The following FRS2 variants were observed in gnomAD, a reference collection of about 807,000 sequenced individuals.
FRS2 encodes the protein FGFR signalling adaptor.
FRS2 carries 8 observed loss-of-function variants against 43.9 expected under a neutral mutation model. The ratio of observed to expected loss-of-function variants is 0.18; its 90% CI spans 0.11 to 0.33. The LOEUF (loss-of-function observed/expected upper bound fraction) is 0.33. Ranked by LOEUF, FRS2 falls within the 10% of genes least tolerant of loss-of-function variation. FRS2 has a pLI of 1.00. For missense variants in FRS2, 534 were observed against 627.6 expected (o/e 0.85, Z 1.59); for synonymous variants, 219 against 220.3 (o/e 0.99, Z 0.05).
At chr12:69,563,750 G>A (rs1880055184) in intron 4 of FRS2, among the ~76,000 whole-genome samples, 2 of 152,032 alleles carry the variant, frequency 1.3e-5, no homozygotes, top group Admixed American at 6.6e-5. Flanking sequence ...CAAGCCTTGC[G>A]TTCTCTTTTA....
chr12:69,536,596 T>G (rs1472303737), intron 3 of FRS2, among the ~76,000 whole-genome samples: 3 of 151,874 alleles, frequency 2.0e-5, no homozygotes, highest in Non-Finnish European at 4.4e-5. Context: ...TTTTTCTTTT[T>G]TGAGACAAGA....
In FRS2 at chr12:69,538,194, A is replaced by ATT. The variant is rs921058241; in HGVS notation, c.-122+6141_-122+6142dup. Among the ~76,000 whole-genome samples, 216 of 44,602 alleles carry ATT rather than the reference A, an allele frequency of 4.8e-3. 1 individual carries two copies. The highest frequency in any genetic ancestry group is 0.015 in the South Asian group (10 of 664). The allele number at this position is 44,602 out of a possible 152,430, so 29.3% of individuals were successfully genotyped here. On this transcript the variant is annotated intron_variant, in intron 3 of 8. Transcript: ENST00000549921. ...TTTAATAATAAAATTAAAAAAACAA[A>ATT]TTTTATATATATATATATATATATA... is the stretch of plus-strand genomic sequence containing the variant.
At chr12:69,528,867 T>A (rs890535286) in intron 1 of FRS2, among the ~76,000 whole-genome samples, 1 of 152,172 alleles carries the variant, frequency 6.6e-6, no homozygotes, top group Non-Finnish European at 1.5e-5. Context: ...GAGAGAGATA[T>A]CTCTTGTTAC....
chr12:69,544,308 T>C (rs1339924542), intron 3 of FRS2, among the ~76,000 whole-genome samples: 1 of 152,022 alleles, frequency 6.6e-6, no homozygotes, highest in Non-Finnish European at 1.5e-5. Context: ...ATATACACAT[T>C]AAAAGAATGA....
intron 1 of FRS2, among the ~76,000 whole-genome samples, chr12:69,489,836 T>C (rs1437093060): frequency 6.6e-6 from 1 of 151,274 alleles, no homozygotes; most frequent in Non-Finnish European, 1.5e-5. Flanking sequence ...TTGGCTTTTC[T>C]GGGGGTCATT....
intron 1 of FRS2, chr12:69,486,296 T>G (rs1871941843): frequency 6.6e-6 from 1 of 151,918 alleles, no homozygotes; most frequent in Non-Finnish European, 1.5e-5. Flanking sequence ...GGTCACATTT[T>G]GGTAATTCTC....
At chr12:69,529,915 C>T (rs893959317) in intron 1 of FRS2, among the ~76,000 whole-genome samples, 1 of 151,662 alleles carries the variant, frequency 6.6e-6, no homozygotes, top group African/African-American at 2.4e-5. Context: ...CAAAAATTAG[C>T]CAGGTGTGGT....
At chr12:69,532,342 A>G (rs1876880777) in intron 3 of FRS2, among the ~76,000 whole-genome samples, 2 of 152,160 alleles carry the variant, frequency 1.3e-5, no homozygotes, top group Admixed American at 1.3e-4. Context: ...CCTTTTTAGG[A>G]AAAAAGTTCT....
At chr12:69,512,302 G>A (rs1874535586) in intron 1 of FRS2, among the ~76,000 whole-genome samples, 1 of 152,106 alleles carries the variant, frequency 6.6e-6, no homozygotes, top group African/African-American at 2.4e-5. Flanking sequence ...TTATAACAGG[G>A]TAGTAATTCA....
In FRS2 at chr12:69,507,765, C is replaced by T. The variant is rs58228363; in HGVS notation, c.-260-23100C>T. On this transcript the variant is annotated intron_variant, in intron 1 of 8. Coordinates refer to ENST00000549921, the MANE Select transcript of FRS2 (RefSeq NM_001278356.2). ...TGCAGCCGGGCCCGGTGGCTCACGC[C>T]TGTAATCCCAGCACTTTGGGAGGCC... Among the ~76,000 whole-genome samples, 944 of 152,220 alleles carry T rather than the reference C, an allele frequency of 6.2e-3. 10 individuals are homozygous for T. The highest frequency in any genetic ancestry group is 0.021 in the African/African-American group (888 of 41,526).
At chr12:69,483,356 G>A (rs116294384) in intron 1 of FRS2, among the ~76,000 whole-genome samples, 1,742 of 152,218 alleles carry the variant, frequency 0.011, 38 homozygotes, top group African/African-American at 0.039. Flanking sequence ...TAGTTACAAT[G>A]CCCCGTGACC....
chr12:69,574,076 G>A lies in FRS2; in HGVS notation c.648G>A (p.Leu216=), dbSNP rs752504434. 6.2e-7 allele frequency: 1 copy of A among 1,614,182 alleles called. No individual in the cohort carries two copies. The highest frequency in any genetic ancestry group is 8.5e-7 in the Non-Finnish European group (1 of 1,180,018). The change falls in exon 9 of 9, where the codon TTG becomes TTA. Residue 216 remains leucine (L), a synonymous_variant. Coordinates refer to ENST00000549921, the MANE Select transcript of FRS2 (RefSeq NM_001278356.2). ...ACCGCACAAGTGTGCATGTTCCATT[G>A]GAGGCGAGGGTTTCTAACGCTGAAA... ...RKNRTSVHVP[L]EARVSNAESS...
chr12:69,559,451 G>C (rs1879699563), intron 3 of FRS2, among the ~76,000 whole-genome samples: 1 of 151,770 alleles, frequency 6.6e-6, no homozygotes, highest in African/African-American at 2.4e-5. Flanking sequence ...ATTGCCCTCA[G>C]ATTAAAAAAA....
chr12:69,508,240 T>C (rs1344401187), intron 1 of FRS2, among the ~76,000 whole-genome samples: 2 of 152,158 alleles, frequency 1.3e-5, no homozygotes. Context: ...TCATTGAAAA[T>C]GTCAAAATTT....
chr12:69,553,673 G>A (rs768077697), intron 3 of FRS2, among the ~76,000 whole-genome samples: 1 of 152,130 alleles, frequency 6.6e-6, no homozygotes, highest in East Asian at 1.9e-4. Flanking sequence ...GTGGTCTCTA[G>A]ACCTAGATAA....
chr12:69,538,415 A>T (rs1593013412), intron 3 of FRS2, among the ~76,000 whole-genome samples: 1 of 151,848 alleles, frequency 6.6e-6, no homozygotes, highest in African/African-American at 2.4e-5. Flanking sequence ...GTCTCCCATT[A>T]ACAAAAAAAG....
At chr12:69,545,764 AAAAAAAAAAAAAAAC>A (rs1431404943) in intron 3 of FRS2, among the ~76,000 whole-genome samples, 2 of 150,434 alleles carry the variant, frequency 1.3e-5, no homozygotes, top group Non-Finnish European at 3.0e-5. Flanking sequence ...TCAAAAAAAA[AAAAAAAAAAAAAAAC>A]AAAAACAAAA....
chr12:69,533,926 T>C (rs1877041882), intron 3 of FRS2, among the ~76,000 whole-genome samples: 1 of 152,162 alleles, frequency 6.6e-6, no homozygotes, highest in African/African-American at 2.4e-5. Context: ...AGGAATCCAG[T>C]GCTATTCTAG....
chr12:69,498,112 T>C (rs1309175274), intron 1 of FRS2, among the ~76,000 whole-genome samples: 1 of 152,200 alleles, frequency 6.6e-6, no homozygotes, highest in Non-Finnish European at 1.5e-5. Context: ...GTGCTATTTT[T>C]CTGAATGGAG....
Sources: gnomAD v4.1 joint callset for allele counts (sites outside exome capture counted in the v4.1 genomes callset) on GRCh38, gnomAD v4.1.1 for gene constraint, MANE v1.5 for transcripts, NCBI Gene and HGNC (gene_info 2026-07-23, HGNC 2026-07-21) for gene names.